The following PPARGC1B variants were observed in gnomAD, a reference collection of about 807,000 sequenced individuals.
PPARGC1B encodes the protein peroxisome proliferator-activated receptor gamma coactivator 1-beta.
A neutral mutation model predicts 101.6 loss-of-function variants in PPARGC1B; 34 were observed. The ratio of observed to expected loss-of-function variants is 0.33; its 90% CI spans 0.25 to 0.45. PPARGC1B has a LOEUF of 0.45. PPARGC1B is among the 20% of genes least tolerant of loss of function. PPARGC1B has a pLI of 1.00. For missense variants in PPARGC1B, 1,234 were observed against 1,317.6 expected (o/e 0.94, Z 0.98); for synonymous variants, 548 against 539.3 (o/e 1.02, Z -0.22).
At chr5:149,806,762 C>T (rs1043665935) in intron 1 of PPARGC1B, among the ~76,000 whole-genome samples, 5 of 152,002 alleles carry the variant, frequency 3.3e-5, no homozygotes, top group Admixed American at 1.3e-4. Context: ...CACCCACCAC[C>T]ATGCCCAGCT....
chr5:149,766,933 A>G (rs1158503167), intron 1 of PPARGC1B, among the ~76,000 whole-genome samples: 1 of 152,176 alleles, frequency 6.6e-6, no homozygotes, highest in East Asian at 1.9e-4. Flanking sequence ...GGGTGGTAGC[A>G]GGGCTATGAG....
rs1759875301 is a variant in PPARGC1B at position 149,854,190 on chromosome 5, AG to A, written c.*6635del. 1 of 152,196 alleles carries A rather than the reference AG, an allele frequency of 6.6e-6. No homozygotes were observed. Among genetic ancestry groups the A allele is most frequent in the Non-Finnish European group, 1.5e-5 (1 of 68,044 alleles). The allele number at this position is 152,196 out of a possible 1,614,324, so 9.4% of individuals were successfully genotyped here. A position where few individuals can be genotyped will look rare whatever the true frequency, so the allele number is the denominator to read the frequency against. On this transcript the variant is annotated 3_prime_UTR_variant, in exon 12 of 12. Transcript: ENST00000309241. Reference sequence around the variant, plus strand: ...CCAGGGCTTTCCCTGACTCTGCGACAGGGTCAAACCAAGGAATGGCTAAACC... The same window carrying A: ...CCAGGGCTTTCCCTGACTCTGCGACAGGTCAAACCAAGGAATGGCTAAACC...
At chr5:149,827,349 A>C (rs2113379058) in intron 3 of PPARGC1B, among the ~76,000 whole-genome samples, 2 of 152,338 alleles carry the variant, frequency 1.3e-5, no homozygotes, top group East Asian at 1.9e-4. Context: ...ATTTTACTAC[A>C]AAAGGGAGTC....
In PPARGC1B at chr5:149,833,424, T is replaced by C; in HGVS notation, c.1351T>C (p.Trp451Arg). The C allele has an allele frequency of 1.3e-6, 2 of 1,585,514 alleles. No individual in the cohort carries two copies. Among genetic ancestry groups the C allele is most frequent in the Non-Finnish European group, 8.6e-7 (1 of 1,166,580 alleles). The change falls in exon 5 of 12, where the codon TGG (tryptophan) becomes CGG (arginine). Residue 451 changes from tryptophan (W) to arginine (R), a missense_variant. Transcript: ENST00000309241. The surrounding 1 kb of genome is among the most constrained non-coding windows in gnomAD (Gnocchi z 4.1). ...AGAAGAAAAAGAGGAGGAGGAGGAG[T>C]GGGGCAGGAAAAGGCCAGGCCGAGG... is the stretch of plus-strand genomic sequence containing the variant. ...EEEEKEEEEE[W>R]GRKRPGRGLP...
chr5:149,842,787 T>C (rs1275607960), intron 10 of PPARGC1B, among the ~76,000 whole-genome samples: 1 of 152,236 alleles, frequency 6.6e-6, no homozygotes, highest in Non-Finnish European at 1.5e-5. Context: ...CAGCAGCCCC[T>C]GGCAGCTTGA....
rs143093343 is a variant in PPARGC1B at position 149,833,589 on chromosome 5, C to T, written c.1516C>T (p.Leu506=). ...GGTCCCCTCGGAGCCCCAAGGTGCTCTGCCCTCACTGTGCCTGGCTCCCAA... is the reference window on the plus strand; with the variant it reads ...GGTCCCCTCGGAGCCCCAAGGTGCTTTGCCCTCACTGTGCCTGGCTCCCAA... ...PLVPSEPQGA[L]PSLCLAPKAY... is the part of the protein sequence containing the mutation. The change falls in exon 5 of 12, where the codon CTG becomes TTG. Residue 506 remains leucine (L), a synonymous_variant. Transcript: ENST00000309241. The surrounding 1 kb of genome is among the most constrained non-coding windows in gnomAD (Gnocchi z 4.1). 29 of 1,604,002 alleles carry T rather than the reference C, an allele frequency of 1.8e-5. No individual in the cohort carries two copies. The African/African-American group carries it at 3.2e-4, about 18-fold the overall frequency.
At chr5:149,827,189 GATTGCACACAC>G (rs1758565810) in intron 3 of PPARGC1B, among the ~76,000 whole-genome samples, 1 of 152,222 alleles carries the variant, frequency 6.6e-6, no homozygotes, top group Admixed American at 6.5e-5. Flanking sequence ...TTTTCCTGAA[GATTGCACACAC>G]ATGGTAAAAA....
intron 3 of PPARGC1B, 68 bp downstream of exon 3, chr5:149,826,953 G>A (rs749171565): frequency 6.4e-6 from 8 of 1,242,562 alleles, no homozygotes; most frequent in African/African-American, 3.0e-5. Context: ...CAGGGCATGG[G>A]GTGCAGAGCA....
rs201874416 is a variant in PPARGC1B, at chr5:149,836,440, G to A, written c.1985G>A (p.Ser662Asn). 7 of 1,614,152 alleles carry A rather than the reference G, an allele frequency of 4.3e-6. No individual in the cohort carries two copies. The highest frequency in any genetic ancestry group is 4.5e-5 in the East Asian group (2 of 44,876). Residue 662 changes from serine to asparagine, a missense_variant, in exon 8 of 12, where the codon AGT (serine) becomes AAT (asparagine). By Grantham distance (46) the Ser-to-Asn change is conservative (BLOSUM62 1). Coordinates refer to ENST00000309241, the MANE Select transcript of PPARGC1B (RefSeq NM_133263.4). ...HKLPKKHPER[S>N]ELLSHLRHAT... is the part of the protein sequence containing the mutation. ...CTGCCAAAGAAGCACCCAGAGCGAA[G>A]TGAGCTCCTGTCCCACCTGCGACAT...
intron 1 of PPARGC1B, among the ~76,000 whole-genome samples, chr5:149,749,357 T>TA (rs1173628926): frequency 6.6e-6 from 1 of 152,218 alleles, no homozygotes; most frequent in Non-Finnish European, 1.5e-5. Flanking sequence ...TGAAGTGACT[T>TA]ACCCGCTGAG....
rs192109629 is a variant in PPARGC1B, at chr5:149,749,370, C to T, written c.78+18950C>T. On this transcript the variant is annotated intron_variant, in intron 1 of 11. Coordinates refer to ENST00000309241, the MANE Select transcript of PPARGC1B (RefSeq NM_133263.4). The stretch of plus-strand genomic sequence containing the variant: ...TGTGAAGTGACTTACCCGCTGAGGT[C>T]ACTGTTGTAGGAACTGGACGGGAAT... Among the ~76,000 whole-genome samples the T allele has an allele frequency of 4.3e-4, 66 of 152,286 alleles. 1 individual carries two copies. Among genetic ancestry groups the T allele is most frequent in the African/African-American group, 1.5e-3 (64 of 41,562 alleles).
chr5:149,855,676 T>C (rs1759930116), downstream of PPARGC1B, among the ~76,000 whole-genome samples: 1 of 152,204 alleles, frequency 6.6e-6, no homozygotes, highest in Non-Finnish European at 1.5e-5. Context: ...GACTCTCAGT[T>C]GCGTGCCTGT....
intron 1 of PPARGC1B, among the ~76,000 whole-genome samples, chr5:149,780,459 C>T (rs1331243842): frequency 6.6e-6 from 1 of 152,200 alleles, no homozygotes; most frequent in Non-Finnish European, 1.5e-5. Flanking sequence ...CCCTCTCCCT[C>T]TCCAGGCCTC....
chr5:149,810,828 C>A (rs1050879336), intron 1 of PPARGC1B, among the ~76,000 whole-genome samples: 2 of 151,996 alleles, frequency 1.3e-5, no homozygotes, highest in African/African-American at 4.8e-5. Flanking sequence ...GCCTCAATGT[C>A]TTAATTTGCA....
chr5:149,763,032 G>T lies in PPARGC1B; in HGVS notation c.78+32612G>T, dbSNP rs545492689. On this transcript the variant is annotated intron_variant, in intron 1 of 11. Coordinates refer to ENST00000309241, the MANE Select transcript of PPARGC1B (RefSeq NM_133263.4). ...CTAACTCCTGGGCTCCAGCAATCCTGCCTCAGCATCCCAAAGTATTAGCAT... is the reference window on the plus strand; with the variant it reads ...CTAACTCCTGGGCTCCAGCAATCCTTCCTCAGCATCCCAAAGTATTAGCAT... Among the ~76,000 whole-genome samples the T allele has an allele frequency of 2.0e-5, 3 of 152,176 alleles. No homozygotes were observed. In the South Asian group the frequency reaches 6.2e-4, roughly 32 times the overall value.
In PPARGC1B at chr5:149,730,496, C is replaced by T; in HGVS notation, c.78+76C>T. ...GGGCCGCAGCTGCAGCCGCGGAGGC[C>T]GGGAGGCAGCGGTGGGAGCCCTGGG... On this transcript the variant is annotated intron_variant, in intron 1 of 11. Transcript: ENST00000309241. The surrounding 1 kb of genome is among the most constrained non-coding windows in gnomAD (Gnocchi z 4.0). 1 of 1,243,336 alleles carries T rather than the reference C, an allele frequency of 8.0e-7. No homozygotes were observed. Among genetic ancestry groups the T allele is most frequent in the Non-Finnish European group, 1.1e-6 (1 of 915,906 alleles). The allele number at this position is 1,243,336 out of a possible 1,614,324, so 77.0% of individuals were successfully genotyped here. A position where few individuals can be genotyped will look rare whatever the true frequency, so the allele number is the denominator to read the frequency against.
At chr5:149,811,542 C>T (rs1757866679) in intron 1 of PPARGC1B, among the ~76,000 whole-genome samples, 1 of 152,110 alleles carries the variant, frequency 6.6e-6, no homozygotes, top group African/African-American at 2.4e-5. Context: ...AAATAAACAA[C>T]TAAGTCGGTG....
chr5:149,791,380 T>TG (rs1359371809), intron 1 of PPARGC1B, among the ~76,000 whole-genome samples: 8 of 151,644 alleles, frequency 5.3e-5, no homozygotes, highest in African/African-American at 1.9e-4. Context: ...TCCCAACTCT[T>TG]GGGGCAGCCA....
At position 149,730,993 on chromosome 5, in the gene PPARGC1B, A is replaced by T. The variant is rs753925023; in HGVS notation, c.78+573A>T. On this transcript the variant is annotated intron_variant, in intron 1 of 11. Coordinates refer to ENST00000309241, the MANE Select transcript of PPARGC1B (RefSeq NM_133263.4). This position sits in a 1 kb window ranked among gnomAD's most constrained non-coding sequence, Gnocchi z 4.0. ...ATAAGGGTCTGCGGGGCACGTGGAC[A>T]TGCGGGCGGAGACAGCGTCTTCCTG... Among the ~76,000 whole-genome samples the T allele has an allele frequency of 6.6e-5, 10 of 152,236 alleles. No homozygotes were observed. The highest frequency in any genetic ancestry group is 1.0e-4 in the Non-Finnish European group (7 of 68,042).
Sources: allele counts gnomAD v4.1 joint callset (sites outside exome capture counted in the v4.1 genomes callset), GRCh38; gene constraint gnomAD v4.1.1; non-coding constraint Gnocchi (gnomAD v3.1); transcripts MANE v1.5; gene names NCBI Gene and HGNC (gene_info 2026-07-23, HGNC 2026-07-21).